Variants in LINGO2 observed in about 807,000 individuals in gnomAD.
LINGO2 encodes the protein leucine rich repeat and Ig domain containing 2.
LINGO2 carries 14 observed loss-of-function variants against 30.6 expected under a neutral mutation model. The ratio of observed to expected loss-of-function variants is 0.46; its 90% CI spans 0.30 to 0.72. The LOEUF is 0.72. Ranked by LOEUF, LINGO2 falls within the 30% of genes least tolerant of loss-of-function variation. The pLI, the probability that LINGO2 is intolerant of heterozygous loss-of-function variation, is 0.07. For missense variants in LINGO2, 729 were observed against 751.7 expected (o/e 0.97, Z 0.35); for synonymous variants, 317 against 288.5 (o/e 1.10, Z -1.00).
chr9:28,542,450 T>C (rs898136839), intron 1 of LINGO2, among the ~76,000 whole-genome samples: 1 of 152,000 alleles, frequency 6.6e-6, no homozygotes, highest in African/African-American at 2.4e-5. Flanking sequence ...ACATGAAGAT[T>C]AATGATTATT....
At chr9:28,332,102 A>C (rs1376487262) in intron 3 of LINGO2, among the ~76,000 whole-genome samples, 1 of 152,190 alleles carries the variant, frequency 6.6e-6, no homozygotes, top group East Asian at 1.9e-4. Flanking sequence ...TGTGCCATTT[A>C]AGTAAACTCT....
chr9:28,443,135 G>C (rs1824265976), intron 2 of LINGO2, among the ~76,000 whole-genome samples: 2 of 152,172 alleles, frequency 1.3e-5, no homozygotes, highest in Non-Finnish European at 2.9e-5. Context: ...AGGAAGTTAT[G>C]CTTTTATACC....
chr9:28,296,524 C>T (rs1290170594), intron 3 of LINGO2, among the ~76,000 whole-genome samples: 2 of 152,082 alleles, frequency 1.3e-5, no homozygotes, highest in Admixed American at 1.3e-4. Flanking sequence ...TCCTCATGCA[C>T]CTGTGATTAG....
chr9:28,393,499 T>C (rs1821918074), intron 2 of LINGO2, among the ~76,000 whole-genome samples: 1 of 152,228 alleles, frequency 6.6e-6, no homozygotes, highest in Non-Finnish European at 1.5e-5. Flanking sequence ...GCCAAATCAA[T>C]GAAAACTTCA....
the LINGO2 span, among the ~76,000 whole-genome samples, chr9:28,748,444 AG>A: frequency 3.3e-5 from 5 of 151,916 alleles, no homozygotes; most frequent in Admixed American, 3.3e-4. Context: ...CACTACTATA[AG>A]AAAAAAAAAT....
chr9:28,243,905 T>G (rs1821902835), intron 4 of LINGO2, among the ~76,000 whole-genome samples: 1 of 152,076 alleles, frequency 6.6e-6, no homozygotes, highest in Non-Finnish European at 1.5e-5. Context: ...CTGGCAATAT[T>G]AGACAAATCC....
the LINGO2 span, among the ~76,000 whole-genome samples, chr9:29,030,338 T>C: frequency 5.1e-4 from 78 of 152,238 alleles, no homozygotes; most frequent in Non-Finnish European, 8.8e-5. Context: ...AAGCTAATTG[T>C]AGACGTATAG....
At chr9:28,372,964 AC>A (rs1820962855) in intron 2 of LINGO2, 96 bp from the exon 5 acceptor site, 1 of 152,350 alleles carries the variant, frequency 6.6e-6, no homozygotes, top group Non-Finnish European at 1.5e-5. Flanking sequence ...ATTTCTTTTA[AC>A]TTTTACCCAT....
chr9:29,100,286 G>C, the LINGO2 span, among the ~76,000 whole-genome samples: 2 of 152,138 alleles, frequency 1.3e-5, no homozygotes, highest in African/African-American at 2.4e-5. Context: ...ATTTTAACTG[G>C]GTAGGGGGAT....
At chr9:28,506,596 C>T (rs1425271658) in intron 1 of LINGO2, among the ~76,000 whole-genome samples, 2 of 118,288 alleles carry the variant, frequency 1.7e-5, no homozygotes, top group Non-Finnish European at 3.5e-5. Context: ...TGATCTACTT[C>T]TTTAAAAAAG....
At chr9:28,205,651 T>TCTGACCAGATAGATAG (rs1820383749) in intron 4 of LINGO2, among the ~76,000 whole-genome samples, 1 of 152,156 alleles carries the variant, frequency 6.6e-6, no homozygotes, top group African/African-American at 2.4e-5. Flanking sequence ...AACATGGCAG[T>TCTGACCAGATAGATAG]ATTTATCCAG....
intron 4 of LINGO2, among the ~76,000 whole-genome samples, chr9:28,152,158 C>G (rs548467213): frequency 3.7e-4 from 56 of 152,232 alleles, no homozygotes; most frequent in African/African-American, 1.3e-3. Flanking sequence ...GAGTTGGGAC[C>G]TAGTTGTTTG....
chr9:28,484,342 T>C (rs1826087055), intron 1 of LINGO2, among the ~76,000 whole-genome samples: 1 of 152,056 alleles, frequency 6.6e-6, no homozygotes, highest in African/African-American at 2.4e-5. Context: ...TAAATCTGTT[T>C]ATATAGAGTG....
the LINGO2 span, among the ~76,000 whole-genome samples, chr9:28,820,891 C>A: frequency 6.6e-6 from 1 of 152,116 alleles, no homozygotes; most frequent in Non-Finnish European, 1.5e-5. Context: ...GGAGGGGCAC[C>A]CCATACCCAC....
chr9:28,864,892 G>T, the LINGO2 span, among the ~76,000 whole-genome samples: 10 of 152,098 alleles, frequency 6.6e-5, no homozygotes, highest in Admixed American at 2.6e-4. Flanking sequence ...AAAAACTCCA[G>T]GTTTCAAGAA....
At chr9:28,080,342 T>C (rs1825739313) in intron 4 of LINGO2, among the ~76,000 whole-genome samples, 2 of 152,210 alleles carry the variant, frequency 1.3e-5, no homozygotes, top group South Asian at 4.1e-4. Flanking sequence ...TGTCGCTCTT[T>C]TACTTATTCA....
chr9:29,166,478 A>T, the LINGO2 span, among the ~76,000 whole-genome samples: 2 of 152,266 alleles, frequency 1.3e-5, no homozygotes, highest in South Asian at 4.1e-4. Flanking sequence ...TGCCCCCAAT[A>T]GGCATTTGAG....
chr9:29,133,274 G>C, the LINGO2 span, among the ~76,000 whole-genome samples: 4 of 152,244 alleles, frequency 2.6e-5, no homozygotes, highest in South Asian at 8.3e-4. Flanking sequence ...AGAATTAAAA[G>C]CAAAGTGGTG....
intron 5 of LINGO2, among the ~76,000 whole-genome samples, chr9:27,981,551 G>GAAAAAAAAAAAAAAAAAAAAAA (rs1279785343): frequency 1.1e-5 from 1 of 87,134 alleles, no homozygotes; most frequent in African/African-American, 4.2e-5. Context: ...AAAAAAAAAA[G>GAAAAAAAAAAAAAAAAAAAAAA]AAAAAAAAGA....
Sources: gnomAD v4.1 joint callset for allele counts (sites outside exome capture counted in the v4.1 genomes callset) on GRCh38, gnomAD v4.1.1 for gene constraint, MANE v1.5 for transcripts, NCBI Gene and HGNC (gene_info 2026-07-23, HGNC 2026-07-21) for gene names.